Variants in ZDHHC14 observed in about 807,000 individuals in gnomAD.
ZDHHC14 encodes the protein zDHHC palmitoyltransferase 14.
In ZDHHC14, 16 loss-of-function variants were observed where a neutral mutation model predicts 47.7. That is an observed-to-expected ratio of 0.34 (90% CI 0.23 to 0.51). The LOEUF (loss-of-function observed/expected upper bound fraction) is 0.51. Ranked by LOEUF, ZDHHC14 falls within the 20% of genes least tolerant of loss-of-function variation. The pLI, the probability that ZDHHC14 is intolerant of heterozygous loss-of-function variation, is 0.97. For missense variants in ZDHHC14, 515 were observed against 662.5 expected (o/e 0.78, Z 2.44); for synonymous variants, 293 against 278.9 (o/e 1.05, Z -0.50).
chr6:157,421,410 A>G (rs1192398802), intron 1 of ZDHHC14, among the ~76,000 whole-genome samples: 1 of 144,936 alleles, frequency 6.9e-6, no homozygotes, highest in African/African-American at 2.6e-5. Flanking sequence ...GGACAATGGC[A>G]TGAACCCGGG....
At chr6:157,657,338 G>A (rs549096089) in intron 8 of ZDHHC14, among the ~76,000 whole-genome samples, 7 of 152,262 alleles carry the variant, frequency 4.6e-5, no homozygotes, top group South Asian at 4.1e-4. Context: ...GTAAGCCACT[G>A]CACACGGCCA....
chr6:157,659,163 T>A (rs1778234897), intron 8 of ZDHHC14, among the ~76,000 whole-genome samples: 1 of 152,198 alleles, frequency 6.6e-6, no homozygotes, highest in Non-Finnish European at 1.5e-5. Flanking sequence ...AAAAGTTAAA[T>A]TGAAAATGAG....
intron 3 of ZDHHC14, among the ~76,000 whole-genome samples, chr6:157,614,224 CTG>C (rs1583021825): frequency 6.6e-6 from 1 of 152,194 alleles, no homozygotes; most frequent in East Asian, 1.9e-4. Flanking sequence ...CAGTGCCCCA[CTG>C]TGTGGTGTTT....
At chr6:157,607,240 T>C (rs1170069770) in intron 3 of ZDHHC14, among the ~76,000 whole-genome samples, 1 of 152,220 alleles carries the variant, frequency 6.6e-6, no homozygotes, top group African/African-American at 2.4e-5. Flanking sequence ...TTCACTCTTG[T>C]TGAGGCTCTT....
intron 1 of ZDHHC14, among the ~76,000 whole-genome samples, chr6:157,417,577 C>CCT (rs1320456744): frequency 6.6e-6 from 1 of 152,196 alleles, no homozygotes; most frequent in African/African-American, 2.4e-5. Flanking sequence ...TAGAGTTTGG[C>CCT]ACATAGTGTG....
chr6:157,417,388 A>G (rs1203131885), intron 1 of ZDHHC14, among the ~76,000 whole-genome samples: 1 of 125,446 alleles, frequency 8.0e-6, no homozygotes, highest in East Asian at 2.2e-4. Context: ...TTTTTTGTCA[A>G]CTAATCACGT....
intron 3 of ZDHHC14, among the ~76,000 whole-genome samples, chr6:157,600,337 C>G (rs1193238307): frequency 6.6e-6 from 1 of 152,070 alleles, no homozygotes; most frequent in Admixed American, 6.6e-5. Flanking sequence ...GTTAATAAAA[C>G]TATTAGTATA....
intron 2 of ZDHHC14, among the ~76,000 whole-genome samples, chr6:157,558,704 G>C (rs946194941): frequency 6.6e-6 from 1 of 151,960 alleles, no homozygotes; most frequent in Non-Finnish European, 1.5e-5. Context: ...CAGTGCACAG[G>C]GTGGTTGTAA....
chr6:157,612,269 G>A (rs575091759), intron 3 of ZDHHC14, among the ~76,000 whole-genome samples: 72 of 152,254 alleles, frequency 4.7e-4, no homozygotes, highest in African/African-American at 1.5e-3. Flanking sequence ...AAGGTCTCTC[G>A]GAGGACACCC....
chr6:157,657,578 A>T (rs545191510), intron 8 of ZDHHC14, among the ~76,000 whole-genome samples: 1 of 152,310 alleles, frequency 6.6e-6, no homozygotes, highest in South Asian at 2.1e-4. Context: ...TTTAAAGCCC[A>T]TGGACCCCAT....
chr6:157,461,054 G>C (rs550163979), intron 1 of ZDHHC14, among the ~76,000 whole-genome samples: 91 of 152,368 alleles, frequency 6.0e-4, no homozygotes, highest in Non-Finnish European at 9.7e-4. Context: ...AGTAAGGCCT[G>C]GTTAAAATGC....
intron 1 of ZDHHC14, among the ~76,000 whole-genome samples, chr6:157,415,237 T>C (rs1193255966): frequency 6.6e-6 from 1 of 152,218 alleles, no homozygotes; most frequent in Admixed American, 6.5e-5. Flanking sequence ...TCTAAAAAGC[T>C]ATTAAACAAT....
At chr6:157,477,370 A>G (rs113251095) in intron 1 of ZDHHC14, among the ~76,000 whole-genome samples, 2 of 152,180 alleles carry the variant, frequency 1.3e-5, no homozygotes, top group Non-Finnish European at 2.9e-5. Context: ...ACAGAGTGAG[A>G]CTCTGTCTCA....
rs911661967 is a variant in ZDHHC14, at chr6:157,586,990, C to T, written c.407-5998C>T. ...ATCTTCAGGAGTGTCAGCAAATACT[C>T]ACTTTATCAAGTCATTGCTACTCAG... On this transcript the variant is annotated intron_variant, in intron 2 of 8. Transcript: ENST00000359775. This position sits in a 1 kb window ranked among gnomAD's most constrained non-coding sequence, Gnocchi z 4.6. 5.3e-5 allele frequency among the ~76,000 whole-genome samples: 8 copies of T among 152,226 alleles called. No individual in the cohort carries two copies. Among genetic ancestry groups the T allele is most frequent in the Admixed American group, 3.9e-4 (6 of 15,286 alleles).
chr6:157,553,860 G>C (rs926195592), intron 2 of ZDHHC14, among the ~76,000 whole-genome samples: 53 of 152,180 alleles, frequency 3.5e-4, no homozygotes, highest in African/African-American at 1.2e-3. Context: ...AGAGCCTAGC[G>C]GGTACTTAGA....
intron 8 of ZDHHC14, among the ~76,000 whole-genome samples, chr6:157,659,718 C>CT (rs1778260695): frequency 6.6e-6 from 1 of 152,204 alleles, no homozygotes; most frequent in African/African-American, 2.4e-5. Context: ...CCTGCAGCAC[C>CT]GTCGCTAAGA....
chr6:157,606,219 C>T (rs550404005), intron 3 of ZDHHC14, among the ~76,000 whole-genome samples: 3 of 152,194 alleles, frequency 2.0e-5, no homozygotes, highest in South Asian at 4.1e-4. Context: ...AATCCAAGCA[C>T]TTTGGGAGGC....
rs371651206 is a variant in ZDHHC14, at chr6:157,632,912, A to G, written c.752+30A>G. On this transcript the variant is annotated intron_variant, in intron 5 of 8. Coordinates refer to ENST00000359775, the MANE Select transcript of ZDHHC14 (RefSeq NM_024630.3). Reference sequence around the variant, plus strand: ...CCTTTGTGATGATTCTGTTTTCACGATGCTAATGTGTTGAGTATCTGGCTG... The same window carrying G: ...CCTTTGTGATGATTCTGTTTTCACGGTGCTAATGTGTTGAGTATCTGGCTG... 1.9e-6 allele frequency: 3 copies of G among 1,612,256 alleles called. No homozygotes were observed. The African/African-American group carries it at 4.0e-5, about 22-fold the overall frequency.
intron 1 of ZDHHC14, among the ~76,000 whole-genome samples, chr6:157,410,611 T>C (rs1777853980): frequency 6.6e-6 from 1 of 152,230 alleles, no homozygotes; most frequent in Non-Finnish European, 1.5e-5. Flanking sequence ...CTGGTTTCCT[T>C]GGAAGCTCCA....
Sources: allele counts gnomAD v4.1 joint callset (sites outside exome capture counted in the v4.1 genomes callset), GRCh38; gene constraint gnomAD v4.1.1; non-coding constraint Gnocchi (gnomAD v3.1); transcripts MANE v1.5; gene names NCBI Gene and HGNC (gene_info 2026-07-23, HGNC 2026-07-21).